Variants in RABGEF1 observed in about 807,000 individuals in gnomAD.
RABGEF1 encodes the protein RAB guanine nucleotide exchange factor 1, also known as rab5 GDP/GTP exchange factor.
In RABGEF1, 26 loss-of-function variants were observed where a neutral mutation model predicts 57.3. The ratio of observed to expected loss-of-function variants is 0.45; its 90% confidence interval spans 0.33 to 0.63. The LOEUF is 0.63. Among genes scored for constraint, RABGEF1 ranks in the 20% least tolerant of loss-of-function variants. The pLI is 0.02. For synonymous variants in RABGEF1, 185 were observed against 210.7 expected (o/e 0.88, Z 1.06); for missense variants, 464 against 607.6 (o/e 0.76, Z 2.48).
intron 1 of RABGEF1, among the ~76,000 whole-genome samples, chr7:66,745,665 A>G (rs1191388569): frequency 1.3e-5 from 2 of 151,482 alleles, no homozygotes; most frequent in Non-Finnish European, 2.9e-5. Flanking sequence ...GCTACTCGGG[A>G]GTCTGAGGCA....
chr7:66,667,982 G>A, the RABGEF1 span, among the ~76,000 whole-genome samples: 2 of 152,070 alleles, frequency 1.3e-5, no homozygotes, highest in African/African-American at 2.4e-5. Context: ...ATTTTTAGTA[G>A]AGACAGGGTT....
chr7:66,660,175 A>G, the RABGEF1 span, among the ~76,000 whole-genome samples: 3 of 151,904 alleles, frequency 2.0e-5, no homozygotes, highest in East Asian at 3.9e-4. Flanking sequence ...GTGAAACCCC[A>G]TCTCTACTAA....
chr7:66,765,066 A>G (rs71563136), intron 1 of RABGEF1, among the ~76,000 whole-genome samples: 15,484 of 151,446 alleles, frequency 0.1, 968 homozygotes, highest in Middle Eastern at 0.2. Context: ...TTTGCAGTGT[A>G]AGGTGACATA....
At chr7:66,699,351 A>G (rs1339557589) in intron 1 of RABGEF1, among the ~76,000 whole-genome samples, 1 of 152,212 alleles carries the variant, frequency 6.6e-6, no homozygotes, top group African/African-American at 2.4e-5. Context: ...GATATAAGGC[A>G]TTGGGCAAGG....
At chr7:66,750,583 T>G (rs1801183482) in intron 1 of RABGEF1, among the ~76,000 whole-genome samples, 1 of 152,222 alleles carries the variant, frequency 6.6e-6, no homozygotes, top group Non-Finnish European at 1.5e-5. Flanking sequence ...ACTCAATGCA[T>G]TAAAAGATAC....
intron 1 of RABGEF1, among the ~76,000 whole-genome samples, chr7:66,757,176 A>G (rs917322446): frequency 1.3e-5 from 2 of 152,210 alleles, no homozygotes; most frequent in African/African-American, 4.8e-5. Context: ...GTATATTTCC[A>G]TATTTTTATG....
chr7:66,749,719 C>G (rs1319854461), intron 1 of RABGEF1, among the ~76,000 whole-genome samples: 1 of 152,138 alleles, frequency 6.6e-6, no homozygotes, highest in Non-Finnish European at 1.5e-5. Context: ...CACCTGTAAT[C>G]TCAGCACTTT....
At chr7:66,728,714 C>T (rs1485979132) in intron 2 of RABGEF1, among the ~76,000 whole-genome samples, 1 of 87,548 alleles carries the variant, frequency 1.1e-5, no homozygotes, top group African/African-American at 4.2e-5. Context: ...ACTTTCAGCT[C>T]TGTCCTCACC....
At chr7:66,773,602 G>T in intron 2 of RABGEF1, 1 of 446,784 alleles carries the variant, frequency 2.2e-6, no homozygotes, top group Non-Finnish European at 4.5e-6. Flanking sequence ...TGGTGATGCT[G>T]CGCTGCTGTC....
intron 1 of RABGEF1, among the ~76,000 whole-genome samples, chr7:66,686,051 G>A (rs1790576497): frequency 6.6e-6 from 1 of 152,092 alleles, no homozygotes; most frequent in Non-Finnish European, 1.5e-5. Flanking sequence ...AGCTGAGGTG[G>A]GCAGATCACT....
At position 66,771,148 on chromosome 7, in the gene RABGEF1, ATTTC is replaced by A. The variant is rs1347643580; in HGVS notation, c.-17-731_-17-728del. Among the ~76,000 whole-genome samples the A allele has an allele frequency of 1.7e-4, 25 of 151,318 alleles. 1 individual carries two copies. Among genetic ancestry groups the A allele is most frequent in the Admixed American group, 1.6e-3 (25 of 15,206 alleles). ...GATATTTAATTTTTAAAAATTTTTT[ATTTC>A]TTTTGAGACAGAGTCTTGCTCTGTC... On this transcript the variant is annotated intron_variant, in intron 1 of 8. Transcript: ENST00000284957.
the RABGEF1 span, chr7:66,667,608 T>A: frequency 4.6e-5 from 7 of 152,280 alleles, no homozygotes; most frequent in Admixed American, 4.6e-4. Flanking sequence ...GGTTTTACTT[T>A]CTGTAAGTGA....
intron 4 of RABGEF1, among the ~76,000 whole-genome samples, chr7:66,793,381 T>TTTTG: frequency 6.6e-6 from 1 of 152,318 alleles, no homozygotes; most frequent in African/African-American, 2.4e-5. Flanking sequence ...TTTGGCTGCT[T>TTTTG]TTTGACTCTA....
upstream of RABGEF1, among the ~76,000 whole-genome samples, chr7:66,680,809 C>T (rs1278086918): frequency 1.3e-5 from 2 of 151,978 alleles, no homozygotes; most frequent in East Asian, 1.9e-4. Context: ...TAGCCGGGTG[C>T]GGAGGCTCAC....
At chr7:66,743,561 G>C (rs548071695) in intron 1 of RABGEF1, among the ~76,000 whole-genome samples, 1 of 152,022 alleles carries the variant, frequency 6.6e-6, no homozygotes, top group Non-Finnish European at 1.5e-5. Context: ...GAGTGCAGTG[G>C]CGCGATCTCG....
At chr7:66,722,515 T>C (rs1405668618) in intron 2 of RABGEF1, among the ~76,000 whole-genome samples, 1 of 152,196 alleles carries the variant, frequency 6.6e-6, no homozygotes, top group African/African-American at 2.4e-5. Flanking sequence ...GTTTTAAATT[T>C]TGATGAACTC....
the RABGEF1 span, among the ~76,000 whole-genome samples, chr7:66,671,119 T>C: frequency 4.6e-5 from 7 of 152,112 alleles, no homozygotes; most frequent in Admixed American, 6.6e-5. Flanking sequence ...CACCTTGGCC[T>C]CCCAAAATGC....
At chr7:66,784,376 T>G (rs1367076967) in intron 4 of RABGEF1, among the ~76,000 whole-genome samples, 2 of 152,194 alleles carry the variant, frequency 1.3e-5, no homozygotes, top group African/African-American at 2.4e-5. Context: ...ATAAGTGACT[T>G]GTCCAAGGTT....
At chr7:66,767,666 A>G (rs1225089778) in intron 1 of RABGEF1, among the ~76,000 whole-genome samples, 1 of 152,170 alleles carries the variant, frequency 6.6e-6, no homozygotes, top group Non-Finnish European at 1.5e-5. Flanking sequence ...GGGGCTTGTA[A>G]GTGCCCTTAT....
Sources: allele counts gnomAD v4.1 joint callset (sites outside exome capture counted in the v4.1 genomes callset), GRCh38; gene constraint gnomAD v4.1.1; transcripts MANE v1.5; gene names NCBI Gene and HGNC (gene_info 2026-07-23, HGNC 2026-07-21).